Variants in MOV10L1 observed in about 807,000 individuals in gnomAD.
MOV10L1 encodes Mov10 like RNA helicase 1, also known as RNA helicase Mov10l1.
MOV10L1 carries 110 observed loss-of-function variants against 143.8 expected under a neutral mutation model. That is an observed-to-expected ratio of 0.76 (90% CI 0.66 to 0.90). MOV10L1 has a LOEUF of 0.90. Ranked by LOEUF, MOV10L1 falls within the 40% of genes least tolerant of loss-of-function variation. MOV10L1 has a pLI of 0.00. For missense variants in MOV10L1, 1,406 were observed against 1,526.8 expected, an observed-to-expected ratio of 0.92 and a Z score of 1.32; for synonymous variants, 593 against 581.1, an observed-to-expected ratio of 1.02 and a Z score of -0.29.
In MOV10L1 at chr22:50,145,340, T is replaced by G. The variant is rs2063122266; in HGVS notation, c.2506-349T>G. On this transcript the variant is annotated intron_variant, in intron 18 of 26. Coordinates refer to ENST00000262794, the MANE Select transcript of MOV10L1 (RefSeq NM_018995.3). ...CGGAGGCCGAAGCAGGAGAATCACT[T>G]GAACCTGGGAGGCAGAGGTTGCAGT... Among the ~76,000 whole-genome samples, 3 of 152,176 alleles carry G rather than the reference T, an allele frequency of 2.0e-5. No homozygotes were observed. The South Asian group carries it at 6.2e-4, about 32-fold the overall frequency.
rs754015598 is a variant in MOV10L1, at chr22:50,142,098, G to A, written c.2088G>A (p.Thr696=). 6 of 1,609,152 alleles carry A rather than the reference G, an allele frequency of 3.7e-6. No homozygotes were observed. Among genetic ancestry groups the A allele is most frequent in the East Asian group, 2.2e-5 (1 of 44,704 alleles). Residue 696 remains threonine (T), a synonymous_variant, in exon 16 of 27, where the codon ACG becomes ACA. Transcript: ENST00000262794. ...ATTTCTAGAATAGGAAAACAATGAC[G>A]GACCAAGCTGAGCATGGAACAGAGG... The part of the protein sequence containing the change: ...STSKKNRKTM[T]DQAEHGTEER...
chr22:50,090,545 C>T lies in MOV10L1; in HGVS notation c.97+360C>T, dbSNP rs149871903. On this transcript the variant is annotated intron_variant, in intron 1 of 26. Transcript: ENST00000262794. ...TAGAAAGCCCCGAAAAACGCGGCCC[C>T]GCAGACTTGGCCTGTCCTTTCAGAA... 50 of 1,598,312 alleles carry T rather than the reference C, an allele frequency of 3.1e-5. No homozygotes were observed. The East Asian group carries it at 8.8e-4, about 28-fold the overall frequency.
chr22:50,153,102 C>T lies in MOV10L1; in HGVS notation c.2950C>T (p.Arg984Trp), dbSNP rs377228035. 123 of 1,613,516 alleles carry T rather than the reference C, an allele frequency of 7.6e-5. No homozygotes were observed. Among genetic ancestry groups the T allele is most frequent in the Non-Finnish European group, 9.2e-5 (109 of 1,179,552 alleles). Reference protein sequence around the residue: ...SHEALLMLPSRLFYHRELEVC... With the variant: ...SHEALLMLPSWLFYHRELEVC... ...CGAGGCCCTGCTGATGCTGCCCTCA[C>T]GGCTGTTCTACCACAGGGAACTCGA... Residue 984 changes from arginine to tryptophan, a missense_variant, in exon 22 of 27, where the codon CGG becomes TGG. This residue lies in a region of MOV10L1 where 1,233 missense variants were observed against 1,351.4 expected (regional missense o/e 0.91). Coordinates refer to ENST00000262794, the MANE Select transcript of MOV10L1 (RefSeq NM_018995.3).
chr22:50,137,200 C>T (rs966907916), intron 15 of MOV10L1, among the ~76,000 whole-genome samples: 8 of 151,842 alleles, frequency 5.3e-5, no homozygotes, highest in African/African-American at 1.7e-4. Flanking sequence ...TTGGAACCAA[C>T]CCCCCCGAAA....
chr22:50,115,259 A>C lies in MOV10L1; in HGVS notation c.1259+13A>C, dbSNP rs745713134. ...TCTGTGACGGAAAGTAAGGGCCTGG[A>C]GGTCTGGGGAGAGCCGCGTTTTTAA... On this transcript the variant is annotated intron_variant, in intron 8 of 26. Transcript: ENST00000262794. 3 of 1,491,654 alleles carry C rather than the reference A, an allele frequency of 2.0e-6. No homozygotes were observed. Among genetic ancestry groups the C allele is most frequent in the Non-Finnish European group, 2.7e-6 (3 of 1,128,426 alleles). 92.4% of individuals were successfully genotyped at this position (1,491,654 alleles called of 1,614,324 possible).
intron 13 of MOV10L1, among the ~76,000 whole-genome samples, chr22:50,131,514 A>C (rs563168599): frequency 6.6e-6 from 1 of 152,286 alleles, no homozygotes; most frequent in Non-Finnish European, 1.5e-5. Context: ...GAAATCTGTA[A>C]CTAATTTGGA....
At chr22:50,108,396 G>A (rs1432276014) in intron 4 of MOV10L1, 148 bp downstream of exon 4, 1 of 831,802 alleles carries the variant, frequency 1.2e-6, no homozygotes, top group Non-Finnish European at 2.0e-6. Flanking sequence ...TTTTCCTATT[G>A]ACAATGCTGT....
At chr22:50,155,363 C>T (rs559304390) in intron 22 of MOV10L1, among the ~76,000 whole-genome samples, 451 of 151,338 alleles carry the variant, frequency 3.0e-3, no homozygotes, top group Middle Eastern at 0.017. Flanking sequence ...CAGGTTCAAG[C>T]GATTCTCGTG....
At chr22:50,113,092 G>A (rs956567734) in intron 5 of MOV10L1, among the ~76,000 whole-genome samples, 6 of 152,184 alleles carry the variant, frequency 3.9e-5, no homozygotes, top group African/African-American at 1.4e-4. Flanking sequence ...GTTGTGGAGA[G>A]GCAGGGAGGA....
chr22:50,133,881 T>A (rs987610432), intron 13 of MOV10L1, 126 bp from the exon 14 acceptor site: 4 of 797,604 alleles, frequency 5.0e-6, no homozygotes, highest in Non-Finnish European at 8.0e-6. Flanking sequence ...CATTGATTGT[T>A]GGATTGTTGC....
At chr22:50,119,026 C>T (rs548346458) in intron 9 of MOV10L1, among the ~76,000 whole-genome samples, 9 of 152,184 alleles carry the variant, frequency 5.9e-5, no homozygotes, top group African/African-American at 9.6e-5. Context: ...GCAGAGTCCC[C>T]GAGGATCGAG....
At position 50,142,680 on chromosome 22, in the gene MOV10L1, AC is replaced by A. The variant is rs1341371490; in HGVS notation, c.2180-362del. ...CTTGTCTCTATAAAAAAAAAAAAAT[AC>A]AAAAATTAGCCAGGTGTGGTGGTGG... On this transcript the variant is annotated intron_variant, in intron 16 of 26. Transcript: ENST00000262794. Among the ~76,000 whole-genome samples, 4 of 151,034 alleles carry A rather than the reference AC, an allele frequency of 2.6e-5. No homozygotes were observed. The East Asian group carries it at 7.7e-4, about 29-fold the overall frequency.
intron 5 of MOV10L1, 59 bp from the exon 6 acceptor site, chr22:50,113,589 C>T (rs2062081118): frequency 4.4e-6 from 7 of 1,582,380 alleles, no homozygotes; most frequent in Non-Finnish European, 6.0e-6. Flanking sequence ...GGAGCGGAGG[C>T]AGGCGAGGAA....
rs1307068935 is a variant in MOV10L1 at position 50,159,636 on chromosome 22, G to T, written c.3217-42G>T. The T allele has an allele frequency of 1.6e-6, 2 of 1,247,012 alleles. No individual in the cohort carries two copies. Among genetic ancestry groups the T allele is most frequent in the Admixed American group, 2.1e-5 (1 of 48,262 alleles). The allele number at this position is 1,247,012 out of a possible 1,614,324, so 77.2% of individuals were successfully genotyped here. ...AAAGGAAAAGAAAAGAAATGGATTT[G>T]TACAGTGTTATCTTTAGTCTTTCTT... On this transcript the variant is annotated intron_variant, in intron 23 of 26. Transcript: ENST00000262794. The surrounding 1 kb of genome is among the most constrained non-coding windows in gnomAD (Gnocchi z 4.1).
chr22:50,144,613 G>A (rs934601054), intron 18 of MOV10L1, among the ~76,000 whole-genome samples: 23 of 150,938 alleles, frequency 1.5e-4, no homozygotes, highest in African/African-American at 4.9e-4. Context: ...ACGGAGTCTC[G>A]CTGTGTCGCC....
intron 22 of MOV10L1, among the ~76,000 whole-genome samples, chr22:50,156,600 A>G (rs1030989751): frequency 6.6e-6 from 1 of 152,180 alleles, no homozygotes; most frequent in Non-Finnish European, 1.5e-5. Context: ...GGTACTTCAT[A>G]CAAGTGGAAT....
At chr22:50,095,112 C>G (rs1268029614) in intron 2 of MOV10L1, 1 of 152,170 alleles carries the variant, frequency 6.6e-6, no homozygotes, top group African/African-American at 2.4e-5. Flanking sequence ...TAGTGACTAC[C>G]AAATTGGGCA....
intron 3 of MOV10L1, among the ~76,000 whole-genome samples, chr22:50,102,730 C>T (rs561473824): frequency 3.4e-4 from 51 of 152,084 alleles, no homozygotes; most frequent in African/African-American, 1.2e-3. Flanking sequence ...GGAGAAACCC[C>T]GTCTCTACTA....
rs919945505 is a variant in MOV10L1 at position 50,138,389 on chromosome 22, A to G, written c.2071-3692A>G. On this transcript the variant is annotated intron_variant, in intron 15 of 26. Coordinates refer to ENST00000262794, the MANE Select transcript of MOV10L1 (RefSeq NM_018995.3). ...GGGCAACATGCAAGACCCTGTCTCT[A>G]TTTTTAAAAAGTTTAAAAATTAGCT... is the stretch of plus-strand genomic sequence containing the variant. Among the ~76,000 whole-genome samples the G allele has an allele frequency of 3.3e-5, 5 of 152,222 alleles. No homozygotes were observed. The South Asian group carries it at 6.2e-4, about 19-fold the overall frequency.
Sources: allele counts gnomAD v4.1 joint callset (sites outside exome capture counted in the v4.1 genomes callset), GRCh38; gene constraint gnomAD v4.1.1; regional missense constraint gnomAD v4.1.1; non-coding constraint Gnocchi (gnomAD v3.1); transcripts MANE v1.5; gene names NCBI Gene and HGNC (gene_info 2026-07-23, HGNC 2026-07-21).